CABCOCO1: variants seen among roughly 807,000 people sequenced by gnomAD.
The protein encoded by CABCOCO1 is ciliary-associated calcium-binding coiled-coil protein 1.
In CABCOCO1, 28 loss-of-function variants were observed where a neutral mutation model predicts 35.7. The ratio of observed to expected loss-of-function variants is 0.78; its 90% CI spans 0.58 to 1.07. The LOEUF (loss-of-function observed/expected upper bound fraction) is 1.07. Ranked by LOEUF, CABCOCO1 falls within the 50% of genes least tolerant of loss-of-function variation. The probability of loss-of-function intolerance (pLI) is 0.00; values close to 1 mark genes in which losing one functional copy is unlikely to be tolerated. For missense variants in CABCOCO1, 326 were observed against 309.2 expected (o/e 1.05, Z -0.41); for synonymous variants, 95 against 100.1 (o/e 0.95, Z 0.30).
At chr10:61,710,845 G>A (rs1840718507) in intron 5 of CABCOCO1, among the ~76,000 whole-genome samples, 1 of 151,742 alleles carries the variant, frequency 6.6e-6, no homozygotes, top group Admixed American at 6.6e-5. Flanking sequence ...AAGAAGATGG[G>A]TACACAGAAG....
intron 2 of CABCOCO1, among the ~76,000 whole-genome samples, chr10:61,680,697 TA>T (rs1175358101): frequency 2.2e-4 from 27 of 123,348 alleles, no homozygotes; most frequent in Non-Finnish European, 4.0e-4. Context: ...GTATAACATA[TA>T]TATGTTATAC....
chr10:61,715,745 G>T (rs562008386), intron 5 of CABCOCO1, among the ~76,000 whole-genome samples: 5 of 152,230 alleles, frequency 3.3e-5, no homozygotes, highest in South Asian at 2.1e-4. Context: ...GTCTGTAAAG[G>T]ATTTTATTTC....
At position 61,677,048 on chromosome 10, in the gene CABCOCO1, G is replaced by C. The variant is rs1328365963; in HGVS notation, c.165-4095G>C. On this transcript the variant is annotated intron_variant, in intron 2 of 7. Transcript: ENST00000648843. ...CACTGCACTCCAGCCTGGGCAAAAA[G>C]AGTGAGACTCTGTCTCAAAAAATAA... 2.2e-5 allele frequency among the ~76,000 whole-genome samples: 3 copies of C among 135,742 alleles called. No homozygotes were observed. In the East Asian group the frequency reaches 7.1e-4, roughly 32 times the overall value. 89.1% of individuals were successfully genotyped at this position (135,742 alleles called of 152,430 possible).
intron 5 of CABCOCO1, among the ~76,000 whole-genome samples, chr10:61,736,893 T>A (rs375927983): frequency 6.6e-6 from 1 of 152,100 alleles, no homozygotes; most frequent in East Asian, 1.9e-4. Context: ...ATTTTATTGT[T>A]TTTTTGTGGC....
rs377640033 is a variant in CABCOCO1 at position 61,690,530 on chromosome 10, C to T, written c.480-19C>T. On this transcript the variant is annotated intron_variant, in intron 4 of 7. Coordinates refer to ENST00000648843, the MANE Select transcript of CABCOCO1 (RefSeq NM_001366906.2). ...CCTGAAATCAACTTATCAGAGTGCA[C>T]ATTTATTTTATATTTCAGCTTATTT... 39 of 1,539,292 alleles carry T rather than the reference C, an allele frequency of 2.5e-5. No homozygotes were observed. Among genetic ancestry groups the T allele is most frequent in the African/African-American group, 6.9e-5 (5 of 72,826 alleles).
In CABCOCO1 at chr10:61,765,974, G is replaced by A. The variant is rs1234779024; in HGVS notation, c.852G>A (p.Glu284=). The A allele has an allele frequency of 2.5e-6, 4 of 1,613,430 alleles. No individual in the cohort carries two copies. The highest frequency in any genetic ancestry group is 1.1e-5 in the South Asian group (1 of 91,050). Residue 284 remains glutamate, a synonymous_variant, in exon 8 of 8, where the codon GAG becomes GAA. Transcript: ENST00000648843. ...ACGAAAAACTGCAAATACAGGAAGA[G>A]GCCTTTAATGCACGAATAGAAAAAT... ...EINEKLQIQE[E]AFNARIEKLK... is the part of the protein sequence containing the mutation.
intron 2 of CABCOCO1, among the ~76,000 whole-genome samples, chr10:61,674,183 T>A (rs913361805): frequency 2.0e-5 from 3 of 152,206 alleles, no homozygotes; most frequent in Non-Finnish European, 4.4e-5. Context: ...TGTATCATAC[T>A]TTGTGTGATG....
intron 5 of CABCOCO1, among the ~76,000 whole-genome samples, chr10:61,743,893 T>C (rs978481451): frequency 6.6e-6 from 1 of 152,120 alleles, no homozygotes; most frequent in Non-Finnish European, 1.5e-5. Context: ...TGGCAATCCT[T>C]CTTCTATATT....
In CABCOCO1 at chr10:61,686,113, C is replaced by T. The variant is rs375832103; in HGVS notation, c.407C>T (p.Ser136Leu). 30 of 1,606,616 alleles carry T rather than the reference C, an allele frequency of 1.9e-5. No homozygotes were observed. The highest frequency in any genetic ancestry group is 6.9e-5 in the Admixed American group (4 of 58,096). Residue 136 changes from serine to leucine, a missense_variant, in exon 4 of 8, where the codon TCG becomes TTG. By Grantham distance (145) the Ser-to-Leu change is moderately radical (BLOSUM62 -2). Transcript: ENST00000648843. Reference sequence around the variant, plus strand: ...ATGGCTGAAATAGGACCAACACATTCGCAAAAGAGTGAGGACTGGAATATC... The same window carrying T: ...ATGGCTGAAATAGGACCAACACATTTGCAAAAGAGTGAGGACTGGAATATC... ...EVMAEIGPTH[S>L]QKSEDWNIFD...
chr10:61,724,220 T>C (rs181551456), intron 5 of CABCOCO1, among the ~76,000 whole-genome samples: 2 of 152,302 alleles, frequency 1.3e-5, no homozygotes. Context: ...TTGTACAAAT[T>C]CAAGCCCTTT....
intron 5 of CABCOCO1, among the ~76,000 whole-genome samples, chr10:61,697,874 TG>T (rs1171832289): frequency 1.3e-5 from 2 of 152,092 alleles, no homozygotes; most frequent in Non-Finnish European, 2.9e-5. Flanking sequence ...TAAAATTAAG[TG>T]CTTTACAAGT....
rs552094991 is a variant in CABCOCO1, at chr10:61,723,023, C to G, written c.552+32402C>G. Among the ~76,000 whole-genome samples, 47 of 152,308 alleles carry G rather than the reference C, an allele frequency of 3.1e-4. No individual in the cohort carries two copies. The South Asian group carries it at 9.3e-3, about 30-fold the overall frequency. On this transcript the variant is annotated intron_variant, in intron 5 of 7. Transcript: ENST00000648843. ...ATAAATGAAAAATAATGATTCAAATCCTGTCAAAAGTACGCTAAAAGGGAA... is the reference window on the plus strand; with the variant it reads ...ATAAATGAAAAATAATGATTCAAATGCTGTCAAAAGTACGCTAAAAGGGAA...
intron 5 of CABCOCO1, among the ~76,000 whole-genome samples, chr10:61,734,043 C>T (rs1159668416): frequency 1.3e-5 from 2 of 151,932 alleles, no homozygotes. Flanking sequence ...TGTTATACTT[C>T]CCCCCGCTTA....
chr10:61,702,682 A>C (rs1446220652), intron 5 of CABCOCO1, among the ~76,000 whole-genome samples: 1 of 152,172 alleles, frequency 6.6e-6, no homozygotes, highest in African/African-American at 2.4e-5. Flanking sequence ...ATAGTGTTCA[A>C]GTTGGCTTAT....
intron 5 of CABCOCO1, among the ~76,000 whole-genome samples, chr10:61,720,491 T>C (rs1840977725): frequency 6.6e-6 from 1 of 152,174 alleles, no homozygotes; most frequent in Admixed American, 6.5e-5. Flanking sequence ...CAGGTAATGT[T>C]TTTAAAAAAT....
chr10:61,760,978 C>G lies in CABCOCO1; in HGVS notation c.791C>G (p.Thr264Arg). The change falls in exon 7 of 8, where the codon ACA (threonine) becomes AGA (arginine). Residue 264 changes from threonine to arginine, a missense_variant. Coordinates refer to ENST00000648843, the MANE Select transcript of CABCOCO1 (RefSeq NM_001366906.2). The stretch of plus-strand genomic sequence containing the variant: ...GTAAAATCAGTGCTGGATCAAGTCA[C>G]AGATGACATTTTAATCGGCATTCAG... ...EDVKSVLDQV[T>R]DDILIGIQTE... The G allele has an allele frequency of 6.2e-7, 1 of 1,612,420 alleles. No homozygotes were observed. The highest frequency in any genetic ancestry group is 8.5e-7 in the Non-Finnish European group (1 of 1,179,050).
At chr10:61,724,882 A>G (rs977526633) in intron 5 of CABCOCO1, among the ~76,000 whole-genome samples, 13 of 152,214 alleles carry the variant, frequency 8.5e-5, no homozygotes, top group Admixed American at 3.9e-4. Flanking sequence ...TAACAGGTGC[A>G]GCACACCAAC....
chr10:61,739,418 T>G (rs990652215), intron 5 of CABCOCO1, among the ~76,000 whole-genome samples: 1 of 152,238 alleles, frequency 6.6e-6, no homozygotes, highest in Non-Finnish European at 1.5e-5. Flanking sequence ...TTTTAAATTC[T>G]ATCTTTGGTA....
intron 5 of CABCOCO1, among the ~76,000 whole-genome samples, chr10:61,733,241 T>A (rs1250840811): frequency 6.6e-6 from 1 of 152,026 alleles, no homozygotes; most frequent in Non-Finnish European, 1.5e-5. Context: ...CATTATATAA[T>A]TTTAACCTAT....
Sources: allele counts gnomAD v4.1 joint callset (sites outside exome capture counted in the v4.1 genomes callset), GRCh38; gene constraint gnomAD v4.1.1; transcripts MANE v1.5; gene names NCBI Gene and HGNC (gene_info 2026-07-23, HGNC 2026-07-21).